Variants in P4HA3 observed in about 807,000 individuals in gnomAD.
P4HA3 encodes the protein prolyl 4-hydroxylase subunit alpha 3, also known as prolyl 4-hydroxylase subunit alpha-3.
Under a neutral mutation model 66.7 loss-of-function variants are expected in P4HA3, and 60 were observed. That is an observed-to-expected ratio of 0.90 (90% CI 0.73 to 1.12). The LOEUF is 1.12. Ranked by LOEUF, P4HA3 falls within the 50% of genes most tolerant of loss-of-function variation. The probability of loss-of-function intolerance (pLI) is 0.00; values close to 1 mark genes in which losing one functional copy is unlikely to be tolerated. For synonymous variants in P4HA3, 263 were observed against 274.6 expected (o/e 0.96, Z 0.42); for missense variants, 683 against 685.8 (o/e 1.00, Z 0.05).
chr11:74,296,410 T>C (rs1322108607), intron 4 of P4HA3, among the ~76,000 whole-genome samples: 2 of 152,206 alleles, frequency 1.3e-5, no homozygotes, highest in Non-Finnish European at 2.9e-5. Context: ...AAATTTTATG[T>C]GATAATGAAA....
At chr11:74,282,328 C>T (rs1860635715) in intron 7 of P4HA3, among the ~76,000 whole-genome samples, 1 of 152,146 alleles carries the variant, frequency 6.6e-6, no homozygotes, top group South Asian at 2.1e-4. Flanking sequence ...CAGACAATGT[C>T]CCTGCCCCTA....
intron 15 of P4HA3, among the ~76,000 whole-genome samples, chr11:74,257,483 G>A (rs1859848350): frequency 1.3e-5 from 2 of 152,080 alleles, no homozygotes; most frequent in Admixed American, 1.3e-4. Flanking sequence ...GAGGAGGAAG[G>A]GCAAGATATC....
Position 74,289,802 on chromosome 11 carries a change from T to A in P4HA3, c.718-672A>T, listed in dbSNP as rs527241190. Among the ~76,000 whole-genome samples, 107 of 152,238 alleles carry A rather than the reference T, an allele frequency of 7.0e-4. 1 individual carries two copies. The highest frequency in any genetic ancestry group is 2.4e-3 in the African/African-American group (101 of 41,538). ...ATCATTTTTTATGGCTGCATAGTAT[T>A]CCCTGGTGTATGTGCCATATTTTAT... On this transcript the variant is annotated intron_variant, in intron 4 of 12. Transcript: ENST00000331597.
rs1167392781 is a variant in P4HA3 at position 74,251,676 on chromosome 11, T to C, written c.*1319-3675A>G. 4 of 1,613,762 alleles carry C rather than the reference T, an allele frequency of 2.5e-6. No homozygotes were observed. The African/African-American group carries it at 4.0e-5, about 16-fold the overall frequency. The stretch of plus-strand genomic sequence containing the variant: ...GCTGAAGCTGTTGCCACTTTCCTGA[T>C]CCGGCACAGGTTTGCAGAACCCATC... On this transcript the variant is annotated intron_variant and NMD_transcript_variant, in intron 15 of 15. Coordinates refer to the P4HA3 transcript ENST00000524388.
intron 7 of P4HA3, 64 bp downstream of exon 7, chr11:74,285,745 A>G (rs933104282): frequency 2.0e-6 from 3 of 1,518,120 alleles, no homozygotes; most frequent in Middle Eastern, 2.2e-4. Context: ...CTATTCTTAC[A>G]CTCCTGAACT....
At chr11:74,251,696 C>G (rs1316697283) in intron 15 of P4HA3, 1 of 1,613,956 alleles carries the variant, frequency 6.2e-7, no homozygotes, top group Non-Finnish European at 8.5e-7. Context: ...GTTTGCAGAA[C>G]CCATCGGTGG....
At chr11:74,299,770 TG>T (rs1401104465) in intron 3 of P4HA3, among the ~76,000 whole-genome samples, 1 of 151,552 alleles carries the variant, frequency 6.6e-6, no homozygotes, top group Non-Finnish European at 1.5e-5. Context: ...TTCCCTAGGA[TG>T]GGGGTGGGTG....
intron 4 of P4HA3, 94 bp downstream of exon 4, chr11:74,298,117 CA>C (rs1295004263): frequency 1.7e-5 from 25 of 1,450,316 alleles, no homozygotes; most frequent in Non-Finnish European, 2.3e-5. Flanking sequence ...GAAGATGAAA[CA>C]GATGAAGACA....
chr11:74,298,140 A>G, intron 4 of P4HA3, 72 bp downstream of exon 4: 1 of 1,524,604 alleles, frequency 6.6e-7, no homozygotes, highest in South Asian at 1.3e-5. Flanking sequence ...GAAAATACTT[A>G]GAAATTGTAA....
At chr11:74,264,654 G>A (rs1308360631), downstream of P4HA3, among the ~76,000 whole-genome samples, 1 of 152,140 alleles carries the variant, frequency 6.6e-6, no homozygotes, top group Non-Finnish European at 1.5e-5. Flanking sequence ...AAACAAATGA[G>A]GCTTTCTCAA....
At chr11:74,261,118 A>C (rs1001311078) in intron 14 of P4HA3, among the ~76,000 whole-genome samples, 1 of 152,140 alleles carries the variant, frequency 6.6e-6, no homozygotes, top group African/African-American at 2.4e-5. Flanking sequence ...AGGATATGTG[A>C]CAATTTGAAG....
At chr11:74,284,669 G>A (rs573732900) in intron 7 of P4HA3, among the ~76,000 whole-genome samples, 2 of 152,188 alleles carry the variant, frequency 1.3e-5, no homozygotes, top group Admixed American at 6.5e-5. Context: ...TGGCCGTGTC[G>A]TCCATTTGGC....
At chr11:74,269,587 T>C (rs367938205) in intron 11 of P4HA3, 65 bp downstream of exon 11, 58 of 1,501,210 alleles carry the variant, frequency 3.9e-5, no homozygotes, top group Non-Finnish European at 4.8e-5. Flanking sequence ...ACAGACAGCG[T>C]GAAGGTTAGA....
downstream of P4HA3, among the ~76,000 whole-genome samples, chr11:74,264,963 T>C (rs1247424370): frequency 6.6e-6 from 1 of 152,158 alleles, no homozygotes; most frequent in Non-Finnish European, 1.5e-5. Flanking sequence ...ATCTCAGACA[T>C]TAAAAGCACA....
chr11:74,289,245 A>C, intron 4 of P4HA3, 115 bp from the exon 5 acceptor site: 1 of 928,794 alleles, frequency 1.1e-6, no homozygotes, highest in Middle Eastern at 3.8e-4. Flanking sequence ...ATAAGTAGAT[A>C]ATAAGGCTCA....
intron 4 of P4HA3, among the ~76,000 whole-genome samples, chr11:74,295,382 T>G (rs1442691412): frequency 6.6e-6 from 1 of 152,174 alleles, no homozygotes; most frequent in Admixed American, 6.6e-5. Context: ...GGGAACAGAA[T>G]CCCGGATGGG....
At position 74,267,261 on chromosome 11, in the gene P4HA3, C is replaced by A; in HGVS notation, c.1622G>T (p.Ser541Ile). ...TCTGCCAACAGTTCAGTCTTCAGGGCTGGAGCTGCAGGGTCTGCGGAATTC... is the reference window on the plus strand; with the variant it reads ...TCTGCCAACAGTTCAGTCTTCAGGGATGGAGCTGCAGGGTCTGCGGAATTC... The part of the protein sequence containing the change: ...GQEFRRPCSS[S>I]PED The change falls in exon 13 of 13, where the codon AGC becomes ATC. Residue 541 changes from serine (S) to isoleucine (I), a missense_variant. Coordinates refer to ENST00000331597, the MANE Select transcript of P4HA3 (RefSeq NM_182904.5). 1.2e-6 allele frequency: 2 copies of A among 1,614,218 alleles called. No homozygotes were observed. The highest frequency in any genetic ancestry group is 1.7e-6 in the Non-Finnish European group (2 of 1,180,028).
rs747230796 is a variant in P4HA3, at chr11:74,277,035, C to A, written c.1285G>T (p.Val429Leu). The A allele has an allele frequency of 6.2e-7, 1 of 1,614,056 alleles. No homozygotes were observed. The highest frequency in any genetic ancestry group is 8.5e-7 in the Non-Finnish European group (1 of 1,179,996). ...TAGTGTCCTCCGATGCCATAGTTCA[C>A]CACCTGCAGATACTCTGCATAGGGA... ...RPPYAEYLQV[V>L]NYGIGGHYEP... Residue 429 changes from valine (V) to leucine (L), a missense_variant, in exon 9 of 13, where the codon GTG (valine) becomes TTG (leucine). Physicochemically the swap from Val to Leu is conservative, Grantham distance 32 (BLOSUM62 1). Transcript: ENST00000331597.
chr11:74,252,633 T>C, intron 15 of P4HA3: 1 of 426,524 alleles, frequency 2.3e-6, no homozygotes, highest in South Asian at 1.7e-5. Flanking sequence ...CTGTGCATTG[T>C]AGGATGCTTA....
Sources: gnomAD v4.1 joint callset for allele counts (sites outside exome capture counted in the v4.1 genomes callset) on GRCh38, gnomAD v4.1.1 for gene constraint, MANE v1.5 for transcripts, NCBI Gene and HGNC (gene_info 2026-07-23, HGNC 2026-07-21) for gene names.